The following TCF4 variants were observed in gnomAD, a reference collection of about 807,000 sequenced individuals.
The protein encoded by TCF4 is transcription factor 4.
A neutral mutation model predicts 82.1 loss-of-function variants in TCF4; 3 were observed. That is an observed-to-expected ratio of 0.04 (90% confidence interval 0.02 to 0.09). The LOEUF is 0.09. Ranked by LOEUF, TCF4 falls within the 10% of genes least tolerant of loss-of-function variation. The pLI is 1.00. For missense variants in TCF4, 518 were observed against 852.7 expected (o/e 0.61, Z 4.89); for synonymous variants, 276 against 309.6 (o/e 0.89, Z 1.14).
chr18:55,422,800 T>C (rs1444605578), intron 5 of TCF4, among the ~76,000 whole-genome samples: 1 of 152,220 alleles, frequency 6.6e-6, no homozygotes, highest in African/African-American at 2.4e-5. Flanking sequence ...AAAATGCTAA[T>C]GAGTCCTCAT....
chr18:55,444,984 C>T (rs2095501345), intron 5 of TCF4, among the ~76,000 whole-genome samples: 1 of 152,180 alleles, frequency 6.6e-6, no homozygotes, highest in African/African-American at 2.4e-5. Flanking sequence ...TCACTCAAAT[C>T]CATCCTCCTC....
chr18:55,511,183 C>G (rs1043544968), intron 3 of TCF4, among the ~76,000 whole-genome samples: 1 of 151,958 alleles, frequency 6.6e-6, no homozygotes, highest in Non-Finnish European at 1.5e-5. Context: ...TTTCAACACA[C>G]AATACACGGA....
At chr18:55,583,199 G>C (rs1212590527) in intron 3 of TCF4, among the ~76,000 whole-genome samples, 1 of 152,102 alleles carries the variant, frequency 6.6e-6, no homozygotes, top group South Asian at 2.1e-4. Flanking sequence ...ATTTGGTCCT[G>C]AAAACACCAT....
At chr18:55,474,972 T>G (rs1221304662) in intron 3 of TCF4, among the ~76,000 whole-genome samples, 1 of 152,320 alleles carries the variant, frequency 6.6e-6, no homozygotes, top group Middle Eastern at 3.4e-3. Context: ...TTATATAATA[T>G]GTTGCTTCTG....
chr18:55,489,270 G>A (rs1307887046), intron 3 of TCF4, among the ~76,000 whole-genome samples: 2 of 152,102 alleles, frequency 1.3e-5, no homozygotes, highest in Non-Finnish European at 2.9e-5. Flanking sequence ...TCTTCTAGAT[G>A]GGGCCCAAAA....
intron 3 of TCF4, among the ~76,000 whole-genome samples, chr18:55,473,324 C>G (rs941780473): frequency 6.6e-6 from 1 of 152,082 alleles, no homozygotes; most frequent in Non-Finnish European, 1.5e-5. Context: ...TTCTCCCAAA[C>G]GGCATTCTTT....
chr18:55,491,635 C>A (rs560234648), intron 3 of TCF4, among the ~76,000 whole-genome samples: 2 of 152,258 alleles, frequency 1.3e-5, no homozygotes, highest in South Asian at 4.1e-4. Flanking sequence ...TTTTCACATA[C>A]CGCGCTCACA....
At chr18:55,460,518 A>C (rs895944951) in intron 5 of TCF4, among the ~76,000 whole-genome samples, 1 of 152,204 alleles carries the variant, frequency 6.6e-6, no homozygotes, top group African/African-American at 2.4e-5. Flanking sequence ...TGCCTTGATA[A>C]ATATACAATC....
At chr18:55,232,470 A>G in intron 17 of TCF4, 39 bp downstream of exon 17, 1 of 1,609,348 alleles carries the variant, frequency 6.2e-7, no homozygotes, top group Non-Finnish European at 8.5e-7. Context: ...AAAGTCCAAT[A>G]AAGGAATTAA....
chr18:55,317,237 C>G (rs894884390), intron 8 of TCF4, among the ~76,000 whole-genome samples: 1 of 151,960 alleles, frequency 6.6e-6, no homozygotes, highest in Non-Finnish European at 1.5e-5. Context: ...TTCCTACATG[C>G]TTTCTCTTTG....
chr18:55,298,966 C>T (rs569606670), intron 8 of TCF4, among the ~76,000 whole-genome samples: 48 of 152,258 alleles, frequency 3.2e-4, no homozygotes, highest in African/African-American at 1.1e-3. Context: ...CATTTCCCTA[C>T]AATTTAGGTC....
intron 3 of TCF4, among the ~76,000 whole-genome samples, chr18:55,520,428 C>T (rs777872179): frequency 5.3e-5 from 8 of 152,022 alleles, no homozygotes; most frequent in Non-Finnish European, 7.4e-5. Flanking sequence ...TGGGAAGGAT[C>T]GATGATGTTT....
At chr18:55,367,733 G>C (rs1204477896) in intron 6 of TCF4, among the ~76,000 whole-genome samples, 1 of 152,132 alleles carries the variant, frequency 6.6e-6, no homozygotes, top group East Asian at 1.9e-4. Flanking sequence ...AATGAGTGAA[G>C]TTTGCAAGGC....
At chr18:55,409,314 A>G (rs1362603785) in intron 5 of TCF4, among the ~76,000 whole-genome samples, 1 of 152,128 alleles carries the variant, frequency 6.6e-6, no homozygotes, top group Non-Finnish European at 1.5e-5. Flanking sequence ...ACAGATTTAC[A>G]TTGTATCTAG....
intron 8 of TCF4, among the ~76,000 whole-genome samples, chr18:55,280,722 G>A (rs560119378): frequency 1.3e-4 from 19 of 151,992 alleles, no homozygotes; most frequent in Non-Finnish European, 2.4e-4. Flanking sequence ...ACAGTAAAAG[G>A]AAAAGAAATT....
At position 55,275,693 on chromosome 18, in the gene TCF4, C is replaced by G. The variant is rs747361615; in HGVS notation, c.715G>C (p.Ala239Pro). ...SSSGMNQPGY[A>P]GMLGNSSHIP... The stretch of plus-strand genomic sequence containing the variant: ...TGAGAAGAGTTGCCCAACATTCCTG[C>G]ATAGCCAGGCTGATTCATCCCACTG... The change falls in exon 10 of 20, where the codon GCA becomes CCA. Residue 239 changes from alanine to proline, a missense_variant. Physicochemically the swap from Ala to Pro is conservative, Grantham distance 27. Coordinates refer to ENST00000354452, the MANE Select transcript of TCF4 (RefSeq NM_001083962.2). 1 of 1,613,932 alleles carries G rather than the reference C, an allele frequency of 6.2e-7. No homozygotes were observed. Among genetic ancestry groups the G allele is most frequent in the Non-Finnish European group, 8.5e-7 (1 of 1,179,830 alleles).
intron 2 of TCF4, among the ~76,000 whole-genome samples, chr18:55,601,056 G>A (rs918967068): frequency 6.6e-6 from 1 of 152,256 alleles, no homozygotes; most frequent in Middle Eastern, 3.4e-3. Flanking sequence ...AGAAATGCCT[G>A]TATATTCTTT....
intron 15 of TCF4, among the ~76,000 whole-genome samples, chr18:55,239,219 G>C (rs1420942486): frequency 6.6e-6 from 1 of 152,112 alleles, no homozygotes; most frequent in Non-Finnish European, 1.5e-5. Context: ...TCCAAGAAAG[G>C]GCTTGACAAA....
intron 3 of TCF4, among the ~76,000 whole-genome samples, chr18:55,501,931 G>A (rs148195688): frequency 1.3e-5 from 2 of 152,250 alleles, no homozygotes; most frequent in African/African-American, 4.8e-5. Flanking sequence ...TAACAATGAA[G>A]TGGAGAAAGA....
Sources: gnomAD v4.1 joint callset for allele counts (sites outside exome capture counted in the v4.1 genomes callset) on GRCh38, gnomAD v4.1.1 for gene constraint, MANE v1.5 for transcripts, NCBI Gene and HGNC (gene_info 2026-07-23, HGNC 2026-07-21) for gene names.